Variants in PDXDC1 observed in about 807,000 individuals in gnomAD.
PDXDC1 encodes pyridoxal-dependent decarboxylase domain-containing protein 1.
PDXDC1 carries 42 observed loss-of-function variants against 100.1 expected under a neutral mutation model. The observed-to-expected ratio is 0.42, with a 90% confidence interval of 0.33 to 0.54. The LOEUF (loss-of-function observed/expected upper bound fraction) is 0.54, where lower values mean the gene tolerates loss of function less well. Among genes scored for constraint, PDXDC1 ranks in the 20% least tolerant of loss-of-function variants. The pLI is 0.10. For missense variants in PDXDC1, 636 were observed against 979.2 expected, an observed-to-expected ratio of 0.65 and a Z score of 4.68; for synonymous variants, 260 against 371.7, an observed-to-expected ratio of 0.70 and a Z score of 3.46.
chr16:15,041,874 AG>A (rs2043830661), downstream of PDXDC1, among the ~76,000 whole-genome samples: 1 of 152,202 alleles, frequency 6.6e-6, no homozygotes, highest in African/African-American at 2.4e-5. Flanking sequence ...GACCGCCAGG[AG>A]ATGGCCACAT....
intron 6 of PDXDC1, among the ~76,000 whole-genome samples, chr16:15,007,335 T>C (rs1443909737): frequency 2.5e-4 from 38 of 152,216 alleles, no homozygotes; most frequent in African/African-American, 9.2e-4. Context: ...CACGCCCAGA[T>C]AATTTTTTTG....
At chr16:15,028,380 A>G (rs1400978869) in intron 14 of PDXDC1, among the ~76,000 whole-genome samples, 1 of 152,284 alleles carries the variant, frequency 6.6e-6, no homozygotes, top group Admixed American at 6.5e-5. Flanking sequence ...CAGAGCCCCC[A>G]GCTTCACTTG....
At position 15,017,020 on chromosome 16, in the gene PDXDC1, T is replaced by C. The variant is rs545672625; in HGVS notation, c.813-100T>C. ...AAGCTAATAACATTAAAAATATACT[T>C]AAGTGTCAACTTGCAACAGCACAGC... On this transcript the variant is annotated intron_variant, in intron 9 of 22. Coordinates refer to ENST00000396410, the MANE Select transcript of PDXDC1 (RefSeq NM_015027.4). 6.5e-6 allele frequency: 8 copies of C among 1,223,154 alleles called. No individual in the cohort carries two copies. The East Asian group carries it at 1.2e-4, about 18-fold the overall frequency. The allele number at this position is 1,223,154 out of a possible 1,614,324, so 75.8% of individuals were successfully genotyped here. A position where few individuals can be genotyped will look rare whatever the true frequency, so the allele number is the denominator to read the frequency against.
intron 16 of PDXDC1, chr16:15,108,297 T>C: frequency 1.1e-6 from 1 of 942,292 alleles, no homozygotes; most frequent in Non-Finnish European, 1.3e-6. Context: ...ATAGGAAGGA[T>C]GTATAAAATT....
chr16:15,058,440 T>C (rs141347740), intron 16 of PDXDC1, among the ~76,000 whole-genome samples: 1 of 152,260 alleles, frequency 6.6e-6, no homozygotes, highest in East Asian at 1.9e-4. Context: ...ATTACACTTT[T>C]TTGAGGCCAG....
At chr16:15,123,510 G>C in intron 16 of PDXDC1, 1 of 636,834 alleles carries the variant, frequency 1.6e-6, no homozygotes, top group Non-Finnish European at 2.8e-6. Context: ...AGCAGGATGC[G>C]GAAGGTCCCG....
chr16:15,140,300 T>C (rs2048448157), downstream of PDXDC1, among the ~76,000 whole-genome samples: 2 of 146,970 alleles, frequency 1.4e-5, no homozygotes, highest in African/African-American at 5.0e-5. Context: ...CAGAATTAGT[T>C]GGGCGTGGTG....
At chr16:14,984,495 A>ATTT (rs1159521017) in intron 1 of PDXDC1, among the ~76,000 whole-genome samples, 1,400 of 73,524 alleles carry the variant, frequency 0.019, 9 homozygotes, top group Non-Finnish European at 0.02. Context: ...ATATATATAT[A>ATTT]TTTTTTTTTT....
chr16:15,146,879 G>A, the PDXDC1 span, among the ~76,000 whole-genome samples: 2 of 151,964 alleles, frequency 1.3e-5, no homozygotes, highest in Non-Finnish European at 1.5e-5. Flanking sequence ...CCTGCAGGGT[G>A]CATCTAATCA....
chr16:15,073,747 A>C (rs1309249373), intron 16 of PDXDC1, among the ~76,000 whole-genome samples: 2 of 152,212 alleles, frequency 1.3e-5, no homozygotes, highest in African/African-American at 4.8e-5. Context: ...GAAAACAGTA[A>C]AAGACAGTTA....
chr16:15,044,488 A>G (rs1381108591), intron 16 of PDXDC1: 18 of 908,016 alleles, frequency 2.0e-5, no homozygotes, highest in Admixed American at 1.3e-4. Context: ...TTTCATTCTC[A>G]GTTTCCATGA....
intron 16 of PDXDC1, chr16:15,135,709 G>A (rs1470779413): frequency 3.3e-5 from 52 of 1,595,398 alleles, no homozygotes; most frequent in Admixed American, 1.7e-5. Context: ...CATCCTCCAG[G>A]TTGGGGTCGT....
At chr16:15,077,916 T>C (rs936434707) in intron 16 of PDXDC1, among the ~76,000 whole-genome samples, 10 of 152,194 alleles carry the variant, frequency 6.6e-5, no homozygotes, top group African/African-American at 2.4e-4. Flanking sequence ...AATGGACTAA[T>C]ACAATCTCTA....
chr16:15,128,129 C>G (rs541301143), intron 16 of PDXDC1: 2 of 1,610,052 alleles, frequency 1.2e-6, no homozygotes, highest in Non-Finnish European at 1.7e-6. Flanking sequence ...CCAGGCAGGG[C>G]TGAGCCCTGC....
At chr16:15,023,105 T>G (rs2151555641) in intron 13 of PDXDC1, among the ~76,000 whole-genome samples, 1 of 152,412 alleles carries the variant, frequency 6.6e-6, no homozygotes, top group Admixed American at 6.5e-5. Context: ...AAATGAAAAG[T>G]CACTTTGTGC....
At chr16:15,040,759 G>A (rs1187233492), downstream of PDXDC1, among the ~76,000 whole-genome samples, 1 of 152,138 alleles carries the variant, frequency 6.6e-6, no homozygotes, top group Non-Finnish European at 1.5e-5. Flanking sequence ...CTGGGGTGCT[G>A]GGGGGAGAGG....
chr16:15,055,535 C>A (rs373231249), intron 16 of PDXDC1, among the ~76,000 whole-genome samples: 6 of 152,340 alleles, frequency 3.9e-5, no homozygotes, highest in African/African-American at 2.4e-5. Flanking sequence ...CGAAGGCGGG[C>A]GGCCGGATTT....
At chr16:15,131,571 G>T in intron 16 of PDXDC1, 1 of 1,608,270 alleles carries the variant, frequency 6.2e-7, no homozygotes, top group Non-Finnish European at 8.5e-7. Flanking sequence ...TGAGCACGCG[G>T]GAGCGCGTGA....
At chr16:15,069,155 C>T (rs1360784928) in intron 16 of PDXDC1, among the ~76,000 whole-genome samples, 1 of 151,996 alleles carries the variant, frequency 6.6e-6, no homozygotes, top group Admixed American at 6.5e-5. Context: ...GCTGTTAACC[C>T]AAGGAGACTG....
Sources: allele counts gnomAD v4.1 joint callset (sites outside exome capture counted in the v4.1 genomes callset), GRCh38; gene constraint gnomAD v4.1.1; transcripts MANE v1.5; gene names NCBI Gene and HGNC (gene_info 2026-07-23, HGNC 2026-07-21).